MARCHF11: variants seen among roughly 807,000 people sequenced by gnomAD.
MARCHF11 encodes E3 ubiquitin-protein ligase MARCHF11.
In MARCHF11, 29 loss-of-function variants were observed where a neutral mutation model predicts 37.3. The ratio of observed to expected loss-of-function variants is 0.78; its 90% CI spans 0.58 to 1.06. The LOEUF (loss-of-function observed/expected upper bound fraction) is 1.06, where lower values mean the gene tolerates loss of function less well. Ranked by LOEUF, MARCHF11 falls within the 50% of genes least tolerant of loss-of-function variation. MARCHF11 has a pLI of 0.00. For missense variants in MARCHF11, 482 were observed against 533.4 expected (o/e 0.90, Z 0.95); for synonymous variants, 233 against 228.0 (o/e 1.02, Z -0.20).
chr5:16,134,977 T>TTC (rs146251875), intron 2 of MARCHF11, among the ~76,000 whole-genome samples: 9,769 of 142,878 alleles, frequency 0.068, 606 homozygotes, highest in African/African-American at 0.17. Flanking sequence ...TATGAGTGAT[T>TTC]TCTCTCTCTC....
intron 2 of MARCHF11, among the ~76,000 whole-genome samples, chr5:16,124,027 GT>G (rs1737359202): frequency 6.6e-6 from 1 of 152,138 alleles, no homozygotes; most frequent in Non-Finnish European, 1.5e-5. Flanking sequence ...GGTTTTGTAT[GT>G]TTACAAAGTT....
chr5:16,146,659 G>A (rs893613681), intron 2 of MARCHF11, among the ~76,000 whole-genome samples: 53 of 152,180 alleles, frequency 3.5e-4, no homozygotes, highest in African/African-American at 1.3e-3. Context: ...GATTTGAAAG[G>A]CTGTGAGAAG....
chr5:16,152,908 T>C (rs893103283), intron 2 of MARCHF11, among the ~76,000 whole-genome samples: 3 of 151,978 alleles, frequency 2.0e-5, no homozygotes, highest in African/African-American at 7.2e-5. Flanking sequence ...ACTTAAATGG[T>C]ATAAAGTAAA....
rs1359928273 is a variant in MARCHF11 at position 16,179,133 on chromosome 5, C to G, written c.443G>C (p.Arg148Pro). ...GTCGCCGCCGCCACTGCTGCTGCTG[C>G]GGCTGCTGCACACCGAGCGCGTCTC... ...QPETRSVCSS[R>P]SSSSGGGDQR... Residue 148 changes from arginine (R) to proline (P), a missense_variant, in exon 1 of 4, where the codon CGC (arginine) becomes CCC (proline). Physicochemically the swap from Arg to Pro is moderately radical, Grantham distance 103 (BLOSUM62 -2). Transcript: ENST00000332432. 6.7e-7 allele frequency: 1 copy of G among 1,489,350 alleles called. No individual in the cohort carries two copies. The highest frequency in any genetic ancestry group is 8.9e-7 in the Non-Finnish European group (1 of 1,126,548). The allele number at this position is 1,489,350 out of a possible 1,614,324, so 92.3% of individuals were successfully genotyped here.
chr5:16,087,041 C>G (rs1159185633), intron 3 of MARCHF11, among the ~76,000 whole-genome samples: 1 of 152,210 alleles, frequency 6.6e-6, no homozygotes, highest in Non-Finnish European at 1.5e-5. Context: ...ATTACTGCCA[C>G]TAGCTTAAAT....
At position 16,067,649 on chromosome 5, in the gene MARCHF11, A is replaced by G; in HGVS notation, c.1031T>C (p.Leu344Ser). The G allele has an allele frequency of 6.2e-7, 1 of 1,613,962 alleles. No homozygotes were observed. Among genetic ancestry groups the G allele is most frequent in the Non-Finnish European group, 8.5e-7 (1 of 1,179,862 alleles). The change falls in exon 4 of 4, where the codon TTG becomes TCG. Residue 344 changes from leucine (L) to serine (S), a missense_variant. Leu to Ser is a moderately radical substitution (Grantham distance 145, BLOSUM62 -2). Coordinates refer to ENST00000332432, the MANE Select transcript of MARCHF11 (RefSeq NM_001102562.3). ...SRGESSTSRTLWLPLTALRNR... is the reference protein window; with the variant it reads ...SRGESSTSRTSWLPLTALRNR... ...CCGCAGAGCTGTCAATGGCAACCACAAAGTCCTACTTGTGGAAGACTCTCC... is the reference window on the plus strand; with the variant it reads ...CCGCAGAGCTGTCAATGGCAACCACGAAGTCCTACTTGTGGAAGACTCTCC...
chr5:16,076,049 C>T (rs1441181943), intron 3 of MARCHF11, among the ~76,000 whole-genome samples: 1 of 152,224 alleles, frequency 6.6e-6, no homozygotes, highest in Non-Finnish European at 1.5e-5. Flanking sequence ...GGATTCCTCC[C>T]TGTCTTTTCA....
At chr5:16,145,213 A>G (rs941228305) in intron 2 of MARCHF11, among the ~76,000 whole-genome samples, 2 of 152,160 alleles carry the variant, frequency 1.3e-5, no homozygotes, top group African/African-American at 2.4e-5. Flanking sequence ...CCAAGATGCT[A>G]TGGTTTGAAT....
intron 2 of MARCHF11, among the ~76,000 whole-genome samples, chr5:16,117,065 C>G (rs540704132): frequency 1.3e-4 from 20 of 152,250 alleles, no homozygotes; most frequent in African/African-American, 4.8e-4. Context: ...CTGAGAAGGA[C>G]AAACACACCG....
At chr5:16,080,245 C>A (rs1480727239) in intron 3 of MARCHF11, among the ~76,000 whole-genome samples, 1 of 152,162 alleles carries the variant, frequency 6.6e-6, no homozygotes, top group Admixed American at 6.5e-5. Flanking sequence ...CTTCACCTAA[C>A]CCTTGACAGA....
intron 2 of MARCHF11, among the ~76,000 whole-genome samples, chr5:16,145,764 G>A (rs1176104023): frequency 2.6e-5 from 4 of 151,860 alleles, no homozygotes; most frequent in Admixed American, 1.3e-4. Context: ...AAAAAGATGT[G>A]CTACTTTTCA....
chr5:16,098,127 T>C (rs1047837276), intron 2 of MARCHF11, among the ~76,000 whole-genome samples: 3 of 152,160 alleles, frequency 2.0e-5, no homozygotes, highest in African/African-American at 4.8e-5. Flanking sequence ...CTCTCATTCA[T>C]GATGAAAACT....
chr5:16,078,185 G>C (rs1736550651), intron 3 of MARCHF11, among the ~76,000 whole-genome samples: 1 of 152,174 alleles, frequency 6.6e-6, no homozygotes, highest in Non-Finnish European at 1.5e-5. Context: ...GAGTGACAGG[G>C]TCTGGGTTCT....
At chr5:16,168,899 A>C (rs557968560) in intron 2 of MARCHF11, among the ~76,000 whole-genome samples, 2 of 152,240 alleles carry the variant, frequency 1.3e-5, no homozygotes, top group African/African-American at 4.8e-5. Context: ...TATGTTTTTT[A>C]AAAAATCTAC....
intron 3 of MARCHF11, among the ~76,000 whole-genome samples, chr5:16,084,756 GTTT>G (rs35564919): frequency 7.7e-6 from 1 of 130,636 alleles, no homozygotes; most frequent in Non-Finnish European, 1.6e-5. Flanking sequence ...AGAAGGAGCA[GTTT>G]TTTTTTTTTT....
rs1345812332 is a variant in MARCHF11, at chr5:16,125,617, CTCTG to C, written c.694-34540_694-34537del. On this transcript the variant is annotated intron_variant, in intron 2 of 3. Coordinates refer to ENST00000332432, the MANE Select transcript of MARCHF11 (RefSeq NM_001102562.3). Reference sequence around the variant, plus strand: ...CTCAGCTGGTGCACCCTGGCACACTCTCTGTGTGTGTGTGTGTGTGTGTGTGTGT... The same window carrying C: ...CTCAGCTGGTGCACCCTGGCACACTCTGTGTGTGTGTGTGTGTGTGTGTGT... Among the ~76,000 whole-genome samples the C allele has an allele frequency of 8.5e-3, 995 of 117,012 alleles. 13 individuals carry two copies. Among genetic ancestry groups the C allele is most frequent in the African/African-American group, 0.031 (932 of 29,592 alleles). The allele number at this position is 117,012 out of a possible 152,430, so 76.8% of individuals were successfully genotyped here.
At chr5:16,083,762 G>A (rs1365006818) in intron 3 of MARCHF11, among the ~76,000 whole-genome samples, 1 of 152,132 alleles carries the variant, frequency 6.6e-6, no homozygotes, top group Non-Finnish European at 1.5e-5. Flanking sequence ...TGTTTGAAAT[G>A]GATTAGAATT....
chr5:16,167,052 A>G (rs1257605895), intron 2 of MARCHF11, among the ~76,000 whole-genome samples: 7 of 147,238 alleles, frequency 4.8e-5, no homozygotes, highest in Non-Finnish European at 1.0e-4. Flanking sequence ...ACATTACCCC[A>G]TTGTAAGCTG....
chr5:16,160,523 G>A (rs1031714447), intron 2 of MARCHF11, among the ~76,000 whole-genome samples: 6 of 150,012 alleles, frequency 4.0e-5, no homozygotes, highest in Non-Finnish European at 7.4e-5. Context: ...CTATACATTG[G>A]ACAATCAACA....
Sources: gnomAD v4.1 joint callset for allele counts (sites outside exome capture counted in the v4.1 genomes callset) on GRCh38, gnomAD v4.1.1 for gene constraint, MANE v1.5 for transcripts, NCBI Gene and HGNC (gene_info 2026-07-23, HGNC 2026-07-21) for gene names.